The following DIPK1A variants were observed in gnomAD, a reference collection of about 807,000 sequenced individuals.
DIPK1A encodes family with sequence similarity 69 member A.
DIPK1A carries 27 observed loss-of-function variants against 40.8 expected under a neutral mutation model. The observed-to-expected ratio is 0.66, with a 90% CI of 0.49 to 0.91. The LOEUF is 0.91. Among genes scored for constraint, DIPK1A ranks in the 40% least tolerant of loss-of-function variants. The pLI, the probability that DIPK1A is intolerant of heterozygous loss-of-function variation, is 0.00. For synonymous variants in DIPK1A, 166 were observed against 171.3 expected (o/e 0.97, Z 0.24); for missense variants, 412 against 505.7 (o/e 0.81, Z 1.78).
intron 2 of DIPK1A, among the ~76,000 whole-genome samples, chr1:92,864,542 A>AG (rs1647444343): frequency 6.6e-6 from 1 of 152,194 alleles, no homozygotes; most frequent in Admixed American, 6.5e-5. Context: ...AATGTATAGA[A>AG]GGGAAATATT....
intron 1 of DIPK1A, among the ~76,000 whole-genome samples, chr1:92,885,202 G>T (rs1648540955): frequency 6.6e-6 from 1 of 152,152 alleles, no homozygotes; most frequent in South Asian, 2.1e-4. Flanking sequence ...AAAGGACTGT[G>T]GTTGCTCAGG....
chr1:92,896,820 C>G (rs1484492594), intron 1 of DIPK1A, among the ~76,000 whole-genome samples: 1 of 151,520 alleles, frequency 6.6e-6, no homozygotes, highest in East Asian at 1.9e-4. Context: ...AAAAAACAAA[C>G]AACCCCATCA....
chr1:92,920,928 G>A (rs1236745890), intron 1 of DIPK1A, among the ~76,000 whole-genome samples: 1 of 152,148 alleles, frequency 6.6e-6, no homozygotes, highest in African/African-American at 2.4e-5. Flanking sequence ...GAGAGTAAGA[G>A]GAAGGAAAGA....
At chr1:92,924,715 TGTCAGGGA>T (rs1460241597) in intron 1 of DIPK1A, among the ~76,000 whole-genome samples, 1 of 152,188 alleles carries the variant, frequency 6.6e-6, no homozygotes, top group Non-Finnish European at 1.5e-5. Flanking sequence ...ATAACGTCGG[TGTCAGGGA>T]GTGATTGAGT....
chr1:92,840,278 T>C (rs1687301316), downstream of DIPK1A: 2 of 396,436 alleles, frequency 5.0e-6, 1 homozygote, highest in Non-Finnish European at 9.4e-6. Context: ...CCCAAAGTGC[T>C]TGAGATTACA....
intron 1 of DIPK1A, among the ~76,000 whole-genome samples, chr1:92,884,888 T>TG (rs1435758250): frequency 6.6e-6 from 1 of 152,206 alleles, no homozygotes; most frequent in Non-Finnish European, 1.5e-5. Flanking sequence ...CTTAGACTCT[T>TG]GGAGTATCCA....
At chr1:92,927,361 GTT>G (rs1456414857) in intron 1 of DIPK1A, among the ~76,000 whole-genome samples, 1 of 71,564 alleles carries the variant, frequency 1.4e-5, no homozygotes, top group Middle Eastern at 8.9e-3. Flanking sequence ...TGCCAATTTT[GTT>G]GTTTTTTTTT....
At chr1:92,863,052 T>C (rs1647351770) in intron 2 of DIPK1A, among the ~76,000 whole-genome samples, 1 of 152,228 alleles carries the variant, frequency 6.6e-6, no homozygotes, top group Non-Finnish European at 1.5e-5. Flanking sequence ...TCCTAGTTTA[T>C]TTTAAATTCA....
At chr1:92,897,434 C>T (rs1018633350) in intron 1 of DIPK1A, among the ~76,000 whole-genome samples, 15 of 151,966 alleles carry the variant, frequency 9.9e-5, no homozygotes, top group Non-Finnish European at 1.9e-4. Flanking sequence ...CATGTTCACA[C>T]TCATAGGTGG....
In DIPK1A at chr1:92,932,103, G is replaced by T. The variant is rs935294063; in HGVS notation, c.54+29273C>A. On this transcript the variant is annotated intron_variant, in intron 1 of 4. Coordinates refer to ENST00000370310, the MANE Select transcript of DIPK1A (RefSeq NM_001006605.5). ...ACTACATAGATTAAAATATACCAGG[G>T]TGGTAAAGAATCTACGAGCTCGCAA... 13 of 355,764 alleles carry T rather than the reference G, an allele frequency of 3.7e-5. No homozygotes were observed. The Admixed American group carries it at 4.3e-4, about 12-fold the overall frequency. 22.0% of individuals were successfully genotyped at this position (355,764 alleles called of 1,614,324 possible).
intron 2 of DIPK1A, among the ~76,000 whole-genome samples, chr1:92,853,413 C>A (rs1557453808): frequency 6.6e-6 from 1 of 152,120 alleles, no homozygotes; most frequent in African/African-American, 2.4e-5. Context: ...AGCATCCAGG[C>A]AAAAAGATCA....
At chr1:92,877,854 T>A (rs1008014536) in intron 1 of DIPK1A, among the ~76,000 whole-genome samples, 2 of 152,220 alleles carry the variant, frequency 1.3e-5, no homozygotes, top group African/African-American at 4.8e-5. Context: ...GAAATCGACA[T>A]GTACTAATAT....
intron 1 of DIPK1A, among the ~76,000 whole-genome samples, chr1:92,955,256 G>A (rs1450480640): frequency 6.6e-6 from 1 of 152,034 alleles, no homozygotes; most frequent in Non-Finnish European, 1.5e-5. Context: ...CAATAATGAT[G>A]GATACATGTC....
At chr1:92,856,496 C>T (rs988756234) in intron 2 of DIPK1A, among the ~76,000 whole-genome samples, 13 of 152,208 alleles carry the variant, frequency 8.5e-5, no homozygotes, top group Non-Finnish European at 2.9e-5. Context: ...CGGCTCACTG[C>T]AACCTCCTCC....
At chr1:92,855,244 A>C (rs1376443849) in intron 2 of DIPK1A, among the ~76,000 whole-genome samples, 1 of 152,228 alleles carries the variant, frequency 6.6e-6, no homozygotes, top group Non-Finnish European at 1.5e-5. Flanking sequence ...AAGTGTATAT[A>C]TCAAAACTTG....
chr1:92,842,607 C>T lies in DIPK1A; in HGVS notation c.*776G>A. The T allele has an allele frequency of 3.2e-6, 3 of 927,374 alleles. No homozygotes were observed. Among genetic ancestry groups the T allele is most frequent in the South Asian group, 1.1e-4 (2 of 18,308 alleles). The allele number at this position is 927,374 out of a possible 1,614,324, so 57.4% of individuals were successfully genotyped here. A position where few individuals can be genotyped will look rare whatever the true frequency, so the allele number is the denominator to read the frequency against. On this transcript the variant is annotated 3_prime_UTR_variant, in exon 5 of 5. Transcript: ENST00000370310. ...TCTGCTATAATTTATTTTAGTCTTG[C>T]ACTTACAGTCCCACTTTCACATAGT...
chr1:92,894,797 G>T (rs1299478994), intron 1 of DIPK1A, among the ~76,000 whole-genome samples: 2 of 151,720 alleles, frequency 1.3e-5, no homozygotes, highest in Non-Finnish European at 1.5e-5. Flanking sequence ...ATCAAATAGA[G>T]GCAATAAAAA....
downstream of DIPK1A, chr1:92,840,437 T>C: frequency 5.1e-6 from 4 of 785,098 alleles, no homozygotes; most frequent in Non-Finnish European, 8.8e-6. Flanking sequence ...AACATTGATT[T>C]AGTTTAGTTC....
intron 1 of DIPK1A, among the ~76,000 whole-genome samples, chr1:92,892,285 C>T (rs1648927775): frequency 6.6e-6 from 1 of 152,066 alleles, no homozygotes; most frequent in Non-Finnish European, 1.5e-5. Context: ...ACACCTCGCA[C>T]AGCTGGGTAC....
Sources: gnomAD v4.1 joint callset for allele counts (sites outside exome capture counted in the v4.1 genomes callset) on GRCh38, gnomAD v4.1.1 for gene constraint, MANE v1.5 for transcripts, NCBI Gene and HGNC (gene_info 2026-07-23, HGNC 2026-07-21) for gene names.